BMPR1B: variants seen among roughly 807,000 people sequenced by gnomAD.
BMPR1B encodes the protein bone morphogenetic protein receptor type-1B.
Under a neutral mutation model 59.1 loss-of-function variants are expected in BMPR1B, and 12 were observed. The ratio of observed to expected loss-of-function variants is 0.20; its 90% CI spans 0.13 to 0.33. BMPR1B has a LOEUF of 0.33. BMPR1B is among the 10% of genes least tolerant of loss of function. BMPR1B has a pLI of 1.00. For synonymous variants in BMPR1B, 237 were observed against 207.3 expected, an observed-to-expected ratio of 1.14 and a Z score of -1.23; for missense variants, 550 against 610.9, an observed-to-expected ratio of 0.90 and a Z score of 1.05.
At position 95,155,045 on chromosome 4, in the gene BMPR1B, A is replaced by T. The variant is rs1735322275; in HGVS notation, c.*372A>T. On this transcript the variant is annotated 3_prime_UTR_variant, in exon 13 of 13. Transcript: ENST00000515059. ...TTTAAGGGTTATAGTATTATAGTTT[A>T]AATAATAACAACAAAATTCTTCCCA... The T allele has an allele frequency of 5.2e-6, 1 of 190,560 alleles. No individual in the cohort carries two copies. Among genetic ancestry groups the T allele is most frequent in the Non-Finnish European group, 1.1e-5 (1 of 90,922 alleles). 11.8% of individuals were successfully genotyped at this position (190,560 alleles called of 1,614,324 possible).
chr4:94,792,918 G>T (rs1327226474), intron 1 of BMPR1B, among the ~76,000 whole-genome samples: 4 of 152,234 alleles, frequency 2.6e-5, no homozygotes, highest in African/African-American at 9.6e-5. Flanking sequence ...GAAAATTACT[G>T]TCTCAAAGTA....
intron 2 of BMPR1B, among the ~76,000 whole-genome samples, chr4:94,958,460 T>A (rs1730237129): frequency 1.3e-5 from 2 of 152,274 alleles, no homozygotes; most frequent in Non-Finnish European, 1.5e-5. Flanking sequence ...CCTCTCTCCT[T>A]GGCTTTCATT....
chr4:95,109,303 G>A (rs1433793206), intron 4 of BMPR1B, among the ~76,000 whole-genome samples: 1 of 152,144 alleles, frequency 6.6e-6, no homozygotes, highest in African/African-American at 2.4e-5. Context: ...ATGTGCAAAT[G>A]ACACCAGGCT....
At position 94,918,446 on chromosome 4, in the gene BMPR1B, G is replaced by A. The variant is rs549641448; in HGVS notation, c.-113+42546G>A. Among the ~76,000 whole-genome samples the A allele has an allele frequency of 2.0e-5, 3 of 152,260 alleles. No individual in the cohort carries two copies. In the East Asian group the frequency reaches 5.8e-4, roughly 29 times the overall value. On this transcript the variant is annotated intron_variant, in intron 2 of 12. Coordinates refer to ENST00000515059, the MANE Select transcript of BMPR1B (RefSeq NM_001203.3). Reference sequence around the variant, plus strand: ...AGTCTCAGCACTTTTGGAGGCTGAAGTGTGAAGATCACTTGAGTCTAGGAG... The same window carrying A: ...AGTCTCAGCACTTTTGGAGGCTGAAATGTGAAGATCACTTGAGTCTAGGAG...
chr4:94,819,209 T>C (rs1311931072), intron 1 of BMPR1B, among the ~76,000 whole-genome samples: 2 of 152,170 alleles, frequency 1.3e-5, no homozygotes, highest in African/African-American at 4.8e-5. Flanking sequence ...GTTAGAACTT[T>C]CTCAGTCCTC....
At chr4:95,026,308 G>A (rs1724415155) in intron 3 of BMPR1B, among the ~76,000 whole-genome samples, 1 of 151,694 alleles carries the variant, frequency 6.6e-6, no homozygotes, top group Non-Finnish European at 1.5e-5. Flanking sequence ...ATAGCATTAG[G>A]GTTAATCCTA....
At chr4:94,983,450 A>G (rs910892535) in intron 2 of BMPR1B, among the ~76,000 whole-genome samples, 1 of 152,212 alleles carries the variant, frequency 6.6e-6, no homozygotes, top group Non-Finnish European at 1.5e-5. Flanking sequence ...TTTTGGTAAT[A>G]TTCATAATTA....
At chr4:94,944,589 T>C (rs1729637739) in intron 2 of BMPR1B, among the ~76,000 whole-genome samples, 1 of 152,200 alleles carries the variant, frequency 6.6e-6, no homozygotes, top group Non-Finnish European at 1.5e-5. Flanking sequence ...AAGGGAATTA[T>C]ATGTAATTTT....
At position 95,022,075 on chromosome 4, in the gene BMPR1B, A is replaced by G. The variant is rs1724027791; in HGVS notation, c.-18+25941A>G. On this transcript the variant is annotated intron_variant, in intron 3 of 12. Coordinates refer to ENST00000515059, the MANE Select transcript of BMPR1B (RefSeq NM_001203.3). ...CGGGCGCAGTGGCTAGCAGAGCTGC[A>G]GAAGACTCGTTAGATGGCGAGAGGC... 1.3e-5 allele frequency among the ~76,000 whole-genome samples: 2 copies of G among 152,230 alleles called. 1 individual carries two copies.
chr4:94,812,144 A>G (rs749662387), intron 1 of BMPR1B, among the ~76,000 whole-genome samples: 2 of 152,172 alleles, frequency 1.3e-5, no homozygotes, highest in Admixed American at 1.3e-4. Flanking sequence ...AGCATTAACT[A>G]TGTGCTATGT....
intron 2 of BMPR1B, among the ~76,000 whole-genome samples, chr4:94,919,935 A>G (rs1004233094): frequency 1.3e-5 from 2 of 152,242 alleles, no homozygotes; most frequent in East Asian, 3.9e-4. Flanking sequence ...CATATTCTTT[A>G]TTCTGTTGTT....
rs796534771 is a variant in BMPR1B at position 95,035,245 on chromosome 4, G to A, written c.-18+39111G>A. ...CTGTGGGATATCTGTTTACTCTACT[G>A]ATTATTTCTTTTGCTTTGCAGAAGC... On this transcript the variant is annotated intron_variant, in intron 3 of 12. Transcript: ENST00000515059. 2.3e-4 allele frequency among the ~76,000 whole-genome samples: 35 copies of A among 152,216 alleles called. 1 individual carries two copies. The highest frequency in any genetic ancestry group is 8.4e-4 in the African/African-American group (35 of 41,542).
chr4:94,911,061 T>C (rs1728255336), intron 2 of BMPR1B, among the ~76,000 whole-genome samples: 1 of 152,216 alleles, frequency 6.6e-6, no homozygotes, highest in South Asian at 2.1e-4. Context: ...GGATATTTGA[T>C]ACATACTAAT....
intron 1 of BMPR1B, among the ~76,000 whole-genome samples, chr4:94,841,117 C>G (rs572109509): frequency 5.8e-4 from 86 of 148,588 alleles, no homozygotes; most frequent in Non-Finnish European, 7.8e-4. Flanking sequence ...GCAGTCTGCC[C>G]GTTCTCAGAT....
At position 95,003,679 on chromosome 4, in the gene BMPR1B, T is replaced by C. The variant is rs184764179; in HGVS notation, c.-18+7545T>C. On this transcript the variant is annotated intron_variant, in intron 3 of 12. Coordinates refer to ENST00000515059, the MANE Select transcript of BMPR1B (RefSeq NM_001203.3). ...TTCTAATAGACCATTGGATGACTTA[T>C]TTCTATTTCCTCTTTTCATGATAAA... 2.0e-3 allele frequency among the ~76,000 whole-genome samples: 297 copies of C among 152,240 alleles called. 1 individual carries two copies. The highest frequency in any genetic ancestry group is 2.3e-3 in the Non-Finnish European group (154 of 68,014).
chr4:95,109,803 G>C (rs1731488026), intron 4 of BMPR1B, among the ~76,000 whole-genome samples: 1 of 151,208 alleles, frequency 6.6e-6, no homozygotes, highest in Non-Finnish European at 1.5e-5. Flanking sequence ...TTGGTGTGCT[G>C]CACCCATTAA....
intron 12 of BMPR1B, among the ~76,000 whole-genome samples, chr4:95,153,870 A>G (rs1735231991): frequency 6.6e-6 from 1 of 152,180 alleles, no homozygotes. Context: ...AACAAAAACA[A>G]AAACACCTTT....
rs1724345207 is a variant in BMPR1B at position 95,026,098 on chromosome 4, A to ATTTCTTTCTTTCTTTCTTTCTTTTTTTC, written c.-18+29987_-18+29988insTTTTCTTTCTTTCTTTCTTTCTTTCTTT. ...TTGGCTGGCTGGATTGCTTTCTTTCATTTCTTTCTTTCTTTCTTTCTTTCT... is the reference window on the plus strand; with the variant it reads ...TTGGCTGGCTGGATTGCTTTCTTTCATTTCTTTCTTTCTTTCTTTCTTTTTTTCTTTCTTTCTTTCTTTCTTTCTTTCT... On this transcript the variant is annotated intron_variant, in intron 3 of 12. Coordinates refer to ENST00000515059, the MANE Select transcript of BMPR1B (RefSeq NM_001203.3). Among the ~76,000 whole-genome samples the ATTTCTTTCTTTCTTTCTTTCTTTTTTTC allele has an allele frequency of 2.2e-4, 22 of 101,716 alleles. No homozygotes were observed. In the South Asian group the frequency reaches 3.4e-3, roughly 16 times the overall value. 66.7% of individuals were successfully genotyped at this position (101,716 alleles called of 152,430 possible). A position where few individuals can be genotyped will look rare whatever the true frequency, so the allele number is the denominator to read the frequency against.
chr4:95,136,491 G>C (rs533524136), intron 10 of BMPR1B, among the ~76,000 whole-genome samples: 1 of 152,300 alleles, frequency 6.6e-6, no homozygotes, highest in Admixed American at 6.5e-5. Context: ...CATGGTACCA[G>C]CTCCTCTTTG....
Sources: allele counts gnomAD v4.1 joint callset (sites outside exome capture counted in the v4.1 genomes callset), GRCh38; gene constraint gnomAD v4.1.1; transcripts MANE v1.5; gene names NCBI Gene and HGNC (gene_info 2026-07-23, HGNC 2026-07-21).